AP2A1: variants seen among roughly 807,000 people sequenced by gnomAD.
AP2A1 encodes the protein adaptor related protein complex 2 subunit alpha 1.
In AP2A1, 21 loss-of-function variants were observed where a neutral mutation model predicts 107.3. The ratio of observed to expected loss-of-function variants is 0.20; its 90% CI spans 0.14 to 0.28. AP2A1 has a LOEUF of 0.28. Among genes scored for constraint, AP2A1 ranks in the 10% least tolerant of loss-of-function variants. AP2A1 has a pLI of 1.00. For missense variants in AP2A1, 873 were observed against 1,307.7 expected (o/e 0.67, Z 5.13); for synonymous variants, 602 against 564.8 (o/e 1.07, Z -0.93).
chr19:49,787,087 A>G (rs1600226600), intron 4 of AP2A1, among the ~76,000 whole-genome samples: 1 of 151,976 alleles, frequency 6.6e-6, no homozygotes, highest in East Asian at 1.9e-4. Context: ...GCTCACTGCA[A>G]CCTCCGACTC....
At chr19:49,792,479 T>C (rs1480075755) in intron 5 of AP2A1, among the ~76,000 whole-genome samples, 1 of 151,708 alleles carries the variant, frequency 6.6e-6, no homozygotes, top group Non-Finnish European at 1.5e-5. Context: ...CCAGAAACCA[T>C]GATCCAGTGT....
Position 49,798,866 on chromosome 19 carries a change from G to A in AP2A1, c.879G>A (p.Glu293=). The A allele has an allele frequency of 6.3e-7, 1 of 1,595,344 alleles. No homozygotes were observed. The highest frequency in any genetic ancestry group is 1.7e-4 in the Middle Eastern group (1 of 6,034). Residue 293 remains glutamate (E), a synonymous_variant, in exon 8 of 23, where the codon GAG becomes GAA. Transcript: ENST00000354293. ...AGACTGTGCTCAACAAGGCCCAGGA[G>A]CCCCCCAAATCCAAGAAGGTGCAGC... The part of the protein sequence containing the change: ...CLETVLNKAQ[E]PPKSKKVQHS...
chr19:49,776,425 CCT>C (rs760310793), intron 1 of AP2A1, among the ~76,000 whole-genome samples: 23 of 152,252 alleles, frequency 1.5e-4, no homozygotes, highest in African/African-American at 1.9e-4. Flanking sequence ...CTCATTTTAG[CCT>C]CTCAGCCCCG....
chr19:49,768,745 C>T (rs371167343), intron 1 of AP2A1, among the ~76,000 whole-genome samples: 6 of 152,064 alleles, frequency 3.9e-5, no homozygotes, highest in African/African-American at 9.7e-5. Context: ...TGTTAGCAGA[C>T]GGGGGCTGCC....
intron 15 of AP2A1, chr19:49,802,355 C>T: frequency 1.2e-6 from 1 of 862,968 alleles, no homozygotes; most frequent in Admixed American, 2.0e-5. Flanking sequence ...CGACCCTGGC[C>T]ACCCTTCGTT....
At position 49,805,715 on chromosome 19, in the gene AP2A1, G is replaced by A. The variant is rs1279480512; in HGVS notation, c.2523G>A (p.Lys841=). The A allele has an allele frequency of 1.3e-6, 2 of 1,560,662 alleles. No homozygotes were observed. The highest frequency in any genetic ancestry group is 3.8e-5 in the Admixed American group (2 of 52,738). ...TGAAGCTCCCAGTGACCATCAACAA[G>A]TTCTTCCAGCCCACCGAGATGGCGG... is the stretch of plus-strand genomic sequence containing the variant. ...LTLKLPVTIN[K]FFQPTEMAAQ... Residue 841 remains lysine (K), a synonymous_variant, in exon 20 of 23, where the codon AAG becomes AAA. Transcript: ENST00000354293.
chr19:49,777,799 C>T (rs113418152), intron 1 of AP2A1, among the ~76,000 whole-genome samples: 2,148 of 148,640 alleles, frequency 0.014, 49 homozygotes, highest in African/African-American at 0.05. Flanking sequence ...TGTGGTGGCG[C>T]ACCTCACAGT....
intron 5 of AP2A1, 29 bp from the exon 6 acceptor site, chr19:49,792,962 C>T (rs368505857): frequency 6.4e-7 from 1 of 1,562,182 alleles, no homozygotes; most frequent in African/African-American, 1.4e-5. Flanking sequence ...CCCCCAGGGG[C>T]CTGACTTGTC....
intron 1 of AP2A1, among the ~76,000 whole-genome samples, chr19:49,773,123 G>A (rs2084582383): frequency 6.6e-6 from 1 of 152,182 alleles, no homozygotes. Flanking sequence ...CAGGCTCTAA[G>A]GAGGGCAGGG....
chr19:49,801,271 T>C, intron 12 of AP2A1, 119 bp from the exon 13 acceptor site: 1 of 1,111,408 alleles, frequency 9.0e-7, no homozygotes, highest in Non-Finnish European at 1.3e-6. Flanking sequence ...GGAGGGCCAC[T>C]CCCCTCCAGC....
chr19:49,782,651 T>C lies in AP2A1; in HGVS notation c.400T>C (p.Cys134Arg). 6.2e-7 allele frequency: 1 copy of C among 1,613,410 alleles called. No individual in the cohort carries two copies. Among genetic ancestry groups the C allele is most frequent in the Non-Finnish European group, 8.5e-7 (1 of 1,179,764 alleles). Residue 134 changes from cysteine to arginine, a missense_variant, in exon 4 of 23, where the codon TGC (cysteine) becomes CGC (arginine). Around this residue, in one of 4 missense-constraint regions of AP2A1, gnomAD observed 87 missense variants for 178.2 expected, o/e 0.49. Transcript: ENST00000354293. ...NPTFMCLALH[C>R]IANVGSREMG... ...CACCTTCATGTGCCTGGCCCTGCAC[T>C]GCATCGCCAACGTGGGCAGCCGGGA...
At chr19:49,778,175 G>A (rs946663333) in intron 1 of AP2A1, among the ~76,000 whole-genome samples, 1 of 152,126 alleles carries the variant, frequency 6.6e-6, no homozygotes, top group Non-Finnish European at 1.5e-5. Flanking sequence ...GAAATGCATC[G>A]TTAGGTGGTT....
intron 9 of AP2A1, 60 bp from the exon 10 acceptor site, chr19:49,799,569 G>A (rs768708447): frequency 3.6e-5 from 58 of 1,599,784 alleles, no homozygotes; most frequent in Non-Finnish European, 4.7e-5. Flanking sequence ...GCCCTTGGGT[G>A]GCCAACCCTG....
intron 6 of AP2A1, among the ~76,000 whole-genome samples, chr19:49,793,322 G>A (rs985961073): frequency 2.6e-5 from 4 of 152,140 alleles, no homozygotes; most frequent in Admixed American, 6.5e-5. Context: ...GGATAATACC[G>A]GTGCCCACCT....
chr19:49,800,003 C>T lies in AP2A1; in HGVS notation c.1308C>T (p.Ala436=), dbSNP rs2073258342. Residue 436 remains alanine, a synonymous_variant, in exon 11 of 23, where the codon GCC becomes GCT. Transcript: ENST00000354293. The stretch of plus-strand genomic sequence containing the variant: ...TGGCCATCCTGGCCGAGAAGTACGC[C>T]GTGGACTACAGCTGGTACGTGGACA... The part of the protein sequence containing the change: ...LKVAILAEKY[A]VDYSWYVDTI... The T allele has an allele frequency of 4.3e-6, 7 of 1,613,994 alleles. No homozygotes were observed. The highest frequency in any genetic ancestry group is 1.6e-4 in the Middle Eastern group (1 of 6,062).
chr19:49,795,297 G>T (rs1326240954), intron 6 of AP2A1, among the ~76,000 whole-genome samples: 1 of 152,146 alleles, frequency 6.6e-6, no homozygotes, highest in African/African-American at 2.4e-5. Context: ...TCCTAGTTTT[G>T]CCCCCATTCA....
At chr19:49,792,170 C>A in intron 5 of AP2A1, 106 bp downstream of exon 5, 1 of 1,261,178 alleles carries the variant, frequency 7.9e-7, no homozygotes, top group Non-Finnish European at 1.1e-6. Context: ...CCCCGGATAC[C>A]CAGGGCTCCC....
At chr19:49,797,729 A>G (rs1366098090) in intron 7 of AP2A1, among the ~76,000 whole-genome samples, 1 of 152,090 alleles carries the variant, frequency 6.6e-6, no homozygotes, top group Non-Finnish European at 1.5e-5. Context: ...CTGTCTCAAA[A>G]AAAAATAAAA....
rs760077953 is a variant in AP2A1, at chr19:49,767,138, C to T, written c.5C>T (p.Pro2Leu). 1.2e-6 allele frequency: 2 copies of T among 1,611,436 alleles called. No homozygotes were observed. Among genetic ancestry groups the T allele is most frequent in the African/African-American group, 1.3e-5 (1 of 74,896 alleles). Residue 2 changes from proline (P) to leucine (L), a missense_variant, in exon 1 of 23, where the codon CCG becomes CTG. By Grantham distance (98) the Pro-to-Leu change is moderately conservative. Coordinates refer to ENST00000354293, the MANE Select transcript of AP2A1 (RefSeq NM_130787.3). The stretch of plus-strand genomic sequence containing the variant: ...GGAGCCGACACCACCGCCATCATGC[C>T]GGCCGTGTCCAAGGGCGATGGGATG... M[P>L]AVSKGDGMRG...
Sources: allele counts gnomAD v4.1 joint callset (sites outside exome capture counted in the v4.1 genomes callset), GRCh38; gene constraint gnomAD v4.1.1; regional missense constraint gnomAD v4.1.1; transcripts MANE v1.5; gene names NCBI Gene and HGNC (gene_info 2026-07-23, HGNC 2026-07-21).